Variants in HDAC9 observed in about 807,000 individuals in gnomAD.
The protein encoded by HDAC9 is histone deacetylase 9.
A neutral mutation model predicts 139.4 loss-of-function variants in HDAC9; 41 were observed. The observed-to-expected ratio is 0.29, with a 90% CI of 0.23 to 0.38. HDAC9 has a LOEUF of 0.38. Ranked by LOEUF, HDAC9 falls within the 10% of genes least tolerant of loss-of-function variation. The probability of loss-of-function intolerance (pLI) is 1.00; values close to 1 mark genes in which losing one functional copy is unlikely to be tolerated. For synonymous variants in HDAC9, 517 were observed against 476.2 expected, an observed-to-expected ratio of 1.09 and a Z score of -1.12; for missense variants, 1,147 against 1,297.0, an observed-to-expected ratio of 0.88 and a Z score of 1.78.
chr7:18,574,742 C>T (rs781637456), intron 2 of HDAC9, among the ~76,000 whole-genome samples: 2 of 152,268 alleles, frequency 1.3e-5, no homozygotes, highest in East Asian at 1.9e-4. Flanking sequence ...CTGCCCTGAG[C>T]ATGCACATAC....
intron 2 of HDAC9, among the ~76,000 whole-genome samples, chr7:18,253,761 A>G (rs955696856): frequency 1.3e-5 from 2 of 152,336 alleles, no homozygotes; most frequent in Admixed American, 1.3e-4. Context: ...AGGCTTCACT[A>G]TCAAGGAAGG....
At chr7:18,232,643 A>G (rs1248012216) in intron 2 of HDAC9, among the ~76,000 whole-genome samples, 1 of 152,224 alleles carries the variant, frequency 6.6e-6, no homozygotes, top group Non-Finnish European at 1.5e-5. Flanking sequence ...TGATATTTGC[A>G]GAATGCATTT....
chr7:18,631,623 A>T (rs1782376915), intron 7 of HDAC9, among the ~76,000 whole-genome samples: 1 of 151,180 alleles, frequency 6.6e-6, no homozygotes, highest in South Asian at 2.1e-4. Flanking sequence ...CTCTTTTCAA[A>T]CTCATTCCAC....
chr7:18,379,959 G>C (rs899307092), intron 1 of HDAC9, among the ~76,000 whole-genome samples: 3 of 152,076 alleles, frequency 2.0e-5, no homozygotes, highest in African/African-American at 7.2e-5. Flanking sequence ...ACTAAGTCAG[G>C]GCAGAATCGC....
chr7:18,416,643 A>G (rs1789094642), intron 1 of HDAC9, among the ~76,000 whole-genome samples: 1 of 152,130 alleles, frequency 6.6e-6, no homozygotes, highest in African/African-American at 2.4e-5. Context: ...GGGTTTTTCA[A>G]AGAGTTTGTC....
chr7:18,226,941 A>G (rs1793094282), intron 2 of HDAC9, among the ~76,000 whole-genome samples: 2 of 152,214 alleles, frequency 1.3e-5, no homozygotes, highest in Non-Finnish European at 2.9e-5. Context: ...GGGGACAATC[A>G]TTCTAACTGT....
intron 6 of HDAC9, among the ~76,000 whole-genome samples, chr7:18,598,738 T>C (rs930281109): frequency 2.0e-5 from 3 of 152,366 alleles, no homozygotes; most frequent in African/African-American, 7.2e-5. Context: ...CTTACATTCT[T>C]CTACCTTTAT....
At chr7:18,138,682 G>A (rs752754822) in intron 1 of HDAC9, among the ~76,000 whole-genome samples, 2 of 152,012 alleles carry the variant, frequency 1.3e-5, no homozygotes, top group Non-Finnish European at 2.9e-5. Flanking sequence ...ACATGCACCA[G>A]CCAAAAAATT....
At chr7:18,339,511 G>A (rs1042753809) in intron 1 of HDAC9, among the ~76,000 whole-genome samples, 3 of 151,376 alleles carry the variant, frequency 2.0e-5, no homozygotes, top group Non-Finnish European at 4.4e-5. Flanking sequence ...AATGTACTAT[G>A]TGAAGTAATA....
chr7:18,354,027 A>G (rs940023275), intron 1 of HDAC9, among the ~76,000 whole-genome samples: 2 of 152,126 alleles, frequency 1.3e-5, no homozygotes, highest in African/African-American at 4.8e-5. Context: ...GTTAAATTAA[A>G]CCATTTGGGA....
chr7:18,926,653 G>A (rs1400999206), intron 22 of HDAC9, among the ~76,000 whole-genome samples: 3 of 152,124 alleles, frequency 2.0e-5, no homozygotes, highest in Non-Finnish European at 4.4e-5. Flanking sequence ...TGGATGGATG[G>A]ATGGATTGAT....
At chr7:18,751,836 T>C (rs1362956531) in intron 14 of HDAC9, among the ~76,000 whole-genome samples, 1 of 152,136 alleles carries the variant, frequency 6.6e-6, no homozygotes, top group Non-Finnish European at 1.5e-5. Flanking sequence ...CTCTTCCTGA[T>C]TGGTTTTACC....
At chr7:18,640,047 G>A (rs1407180721) in intron 8 of HDAC9, among the ~76,000 whole-genome samples, 1 of 151,674 alleles carries the variant, frequency 6.6e-6, no homozygotes, top group East Asian at 1.9e-4. Context: ...TAGATAATTT[G>A]GAATATACAG....
chr7:18,595,199 T>C (rs3814989), intron 6 of HDAC9, among the ~76,000 whole-genome samples: 42,392 of 151,956 alleles, frequency 0.28, 6,211 homozygotes, highest in African/African-American at 0.37. Flanking sequence ...AACCTGTGGC[T>C]TTTTAATTTA....
chr7:18,578,339 C>G (rs1048204448), intron 2 of HDAC9: 2 of 447,582 alleles, frequency 4.5e-6, no homozygotes, highest in African/African-American at 4.0e-5. Flanking sequence ...GAAAGAAGCT[C>G]TACTGAGCAG....
intron 3 of HDAC9, 38 bp from the exon 4 acceptor site, chr7:18,590,298 A>G: frequency 6.2e-7 from 1 of 1,607,026 alleles, no homozygotes; most frequent in Non-Finnish European, 8.5e-7. Flanking sequence ...TGAAGCCTAA[A>G]GAAATTGCAC....
intron 2 of HDAC9, among the ~76,000 whole-genome samples, chr7:18,578,393 A>C (rs550895614): frequency 6.6e-6 from 1 of 152,176 alleles, no homozygotes; most frequent in Admixed American, 6.5e-5. Flanking sequence ...CATGTTACCC[A>C]AAGAAAACTT....
intron 12 of HDAC9, among the ~76,000 whole-genome samples, chr7:18,712,068 G>T (rs2129114489): frequency 6.6e-6 from 1 of 152,150 alleles, no homozygotes; most frequent in Non-Finnish European, 1.5e-5. Context: ...CCCCTTAGTA[G>T]TGCACTGGTC....
At chr7:18,787,298 C>G (rs955313507) in intron 16 of HDAC9, among the ~76,000 whole-genome samples, 2 of 152,098 alleles carry the variant, frequency 1.3e-5, no homozygotes, top group Non-Finnish European at 2.9e-5. Flanking sequence ...TGTGTTTGTT[C>G]CCTCACACAG....
Sources: allele counts gnomAD v4.1 joint callset (sites outside exome capture counted in the v4.1 genomes callset), GRCh38; gene constraint gnomAD v4.1.1; transcripts MANE v1.5; gene names NCBI Gene and HGNC (gene_info 2026-07-23, HGNC 2026-07-21).